Variants in BPIFB3 observed in about 807,000 individuals in gnomAD.
The protein encoded by BPIFB3 is BPI fold containing family B member 3.
Under a neutral mutation model 53.1 loss-of-function variants are expected in BPIFB3, and 49 were observed. The observed-to-expected ratio is 0.92, with a 90% CI of 0.73 to 1.17. The LOEUF (loss-of-function observed/expected upper bound fraction) is 1.17. BPIFB3 is among the 50% of genes most tolerant of loss of function. BPIFB3 has a pLI of 0.00. For missense variants in BPIFB3, 628 were observed against 592.5 expected, an observed-to-expected ratio of 1.06 and a Z score of -0.62; for synonymous variants, 271 against 269.6, an observed-to-expected ratio of 1.01 and a Z score of -0.05.
Position 33,072,801 on chromosome 20 carries a change from T to G in BPIFB3, c.1401+8T>G. On this transcript the variant is annotated splice_region_variant and intron_variant, in intron 14 of 14. Transcript: ENST00000375494. ...GTTCTGGAGATCGTAGAGGTGAGCC[T>G]TCTCTGCAGATACGGCCCAGGTGGG... 2 of 1,607,692 alleles carry G rather than the reference T, an allele frequency of 1.2e-6. No homozygotes were observed. Among genetic ancestry groups the G allele is most frequent in the Non-Finnish European group, 1.7e-6 (2 of 1,174,050 alleles).
chr20:33,066,771 G>T, intron 8 of BPIFB3, 53 bp from the exon 10 acceptor site: 2 of 1,563,424 alleles, frequency 1.3e-6, no homozygotes, highest in Non-Finnish European at 1.8e-6. Context: ...TGTGCTGAGG[G>T]ATTCCTGTTC....
chr20:33,054,332 A>G (rs950118545), upstream of BPIFB3, among the ~76,000 whole-genome samples: 5 of 152,104 alleles, frequency 3.3e-5, no homozygotes, highest in Non-Finnish European at 5.9e-5. Flanking sequence ...GGCCTTAGAC[A>G]TGGTCCCTGC....
chr20:33,055,552 G>A lies in BPIFB3; in HGVS notation c.124+5G>A, dbSNP rs1420257684. 4.1e-5 allele frequency: 66 copies of A among 1,613,458 alleles called. No individual in the cohort carries two copies. The highest frequency in any genetic ancestry group is 5.3e-5 in the Non-Finnish European group (63 of 1,180,036). ...ACAAGGATGAACTCGGCAAAGGTGA[G>A]CCCCAGGTGGGCAGTCTGTGAGGGG... On this transcript the variant is annotated splice_donor_5th_base_variant and intron_variant, in intron 1 of 14. Coordinates refer to ENST00000375494, the Ensembl canonical transcript of BPIFB3.
rs148700128 is a variant in BPIFB3, at chr20:33,064,577, G to T, written c.744+29G>T. 1.7e-4 allele frequency: 268 copies of T among 1,612,562 alleles called. 1 individual carries two copies. In the East Asian group the frequency reaches 5.7e-3, roughly 34 times the overall value. On this transcript the variant is annotated intron_variant, in intron 7 of 14. Transcript: ENST00000375494. Reference sequence around the variant, plus strand: ...AGTAACCAGAGGGGCCTCTCCTCCTGCTGGGGGTGGCTAGATAGGGGATGC... The same window carrying T: ...AGTAACCAGAGGGGCCTCTCCTCCTTCTGGGGGTGGCTAGATAGGGGATGC...
At chr20:33,061,663 GA>G in intron 4 of BPIFB3, 104 bp from the exon 6 acceptor site, 1 of 1,123,136 alleles carries the variant, frequency 8.9e-7, no homozygotes, top group Non-Finnish European at 1.3e-6. Flanking sequence ...ACCCCCAAGA[GA>G]AGGGAGAGGA....
At chr20:33,065,696 C>T (rs974202056) in intron 8 of BPIFB3, among the ~76,000 whole-genome samples, 1 of 152,208 alleles carries the variant, frequency 6.6e-6, no homozygotes, top group African/African-American at 2.4e-5. Context: ...CTCCCAACTT[C>T]CATTCTGTCC....
In BPIFB3 at chr20:33,056,566, A is replaced by G. The variant is rs779603595; in HGVS notation, c.149A>G (p.Glu50Gly). ...GCCATCCAGAACTCACTGGTTGGGG[A>G]GCCCATTCTGCAGAATGTGCTGGGA... Residue 50 changes from glutamate to glycine, a missense_variant, in exon 2 of 15, where the codon GAG (glutamate) becomes GGG (glycine). Coordinates refer to ENST00000375494, the Ensembl canonical transcript of BPIFB3. The G allele has an allele frequency of 6.6e-5, 106 of 1,613,656 alleles. No individual in the cohort carries two copies. Among genetic ancestry groups the G allele is most frequent in the Non-Finnish European group, 8.8e-5 (104 of 1,180,008 alleles).
At chr20:33,057,966 T>C (rs928753857) in intron 2 of BPIFB3, among the ~76,000 whole-genome samples, 3 of 152,088 alleles carry the variant, frequency 2.0e-5, no homozygotes, top group African/African-American at 7.2e-5. Flanking sequence ...AGCCCAGAGG[T>C]AGGACTATTA....
intron 9 of BPIFB3, 113 bp from the exon 11 acceptor site, chr20:33,068,690 C>A: frequency 8.9e-7 from 1 of 1,124,346 alleles, no homozygotes; most frequent in East Asian, 2.6e-5. Flanking sequence ...CAGGCTGTAA[C>A]CTCGTTGCCC....
intron 8 of BPIFB3, among the ~76,000 whole-genome samples, chr20:33,066,150 G>T (rs1980663393): frequency 6.6e-6 from 1 of 151,950 alleles, no homozygotes. Context: ...GTGGGCGGGG[G>T]GTGTCTCAAA....
chr20:33,067,075 C>T (rs543535251), intron 9 of BPIFB3, among the ~76,000 whole-genome samples, 198 bp downstream of exon 10: 3 of 152,350 alleles, frequency 2.0e-5, no homozygotes, highest in South Asian at 4.1e-4. Flanking sequence ...AGGATTAGGG[C>T]TTGACTGCCC....
intron 6 of BPIFB3, among the ~76,000 whole-genome samples, chr20:33,064,084 C>T (rs1205760177): frequency 2.0e-5 from 3 of 152,204 alleles, no homozygotes; most frequent in Non-Finnish European, 2.9e-5. Context: ...GACACAAGTG[C>T]CTTCTGTGTT....
intron 1 of BPIFB3, among the ~76,000 whole-genome samples, chr20:33,056,256 T>C (rs1252152153): frequency 6.6e-6 from 1 of 152,150 alleles, no homozygotes; most frequent in Non-Finnish European, 1.5e-5. Flanking sequence ...TGAGCCTCAG[T>C]TTTCCCACTG....
upstream of BPIFB3, chr20:33,055,364 G>A (rs73262145): frequency 1.7e-3 from 2,661 of 1,595,650 alleles, 29 homozygotes; most frequent in African/African-American, 0.023. Flanking sequence ...TGGGAACAGA[G>A]AGGGGAAAGG....
rs193020592 is a variant in BPIFB3 at position 33,062,566 on chromosome 20, G to T, written c.591+735G>T. Among the ~76,000 whole-genome samples the T allele has an allele frequency of 9.8e-5, 15 of 152,368 alleles. No homozygotes were observed. The East Asian group carries it at 2.9e-3, about 29-fold the overall frequency. On this transcript the variant is annotated intron_variant, in intron 5 of 14. Transcript: ENST00000375494. ...CCATGTCAGGCAGGTTTCCACCAGG[G>T]CATGAAGGTGCATTTCAACGGCAGC...
chr20:33,058,338 G>A (rs1402266794), intron 2 of BPIFB3, among the ~76,000 whole-genome samples: 1 of 152,206 alleles, frequency 6.6e-6, no homozygotes, highest in East Asian at 1.9e-4. Context: ...GTGTCATTCT[G>A]TGGTAGGTGT....
intron 4 of BPIFB3, among the ~76,000 whole-genome samples, chr20:33,060,425 C>A (rs1481324129): frequency 6.6e-6 from 1 of 152,202 alleles, no homozygotes; most frequent in African/African-American, 2.4e-5. Context: ...CACTCCCTAT[C>A]TCCCCATTCT....
chr20:33,071,774 C>A (rs1184572880), intron 12 of BPIFB3, among the ~76,000 whole-genome samples: 1 of 152,144 alleles, frequency 6.6e-6, no homozygotes, highest in Non-Finnish European at 1.5e-5. Flanking sequence ...AAGGTCAGAC[C>A]CCATAGACTG....
At chr20:33,063,522 A>G (rs1191855226) in intron 5 of BPIFB3, 93 bp from the exon 7 acceptor site, 30 of 1,413,764 alleles carry the variant, frequency 2.1e-5, no homozygotes, top group Admixed American at 6.9e-5. Flanking sequence ...CCCCAGCACC[A>G]CATAGCAGCA....
Sources: allele counts gnomAD v4.1 joint callset (sites outside exome capture counted in the v4.1 genomes callset), GRCh38; gene constraint gnomAD v4.1.1; transcripts MANE v1.5; gene names NCBI Gene and HGNC (gene_info 2026-07-23, HGNC 2026-07-21).